The following SFXN5 variants were observed in gnomAD, a reference collection of about 807,000 sequenced individuals.
SFXN5 encodes the protein sideroflexin 5, also known as sideroflexin-5.
In SFXN5, 43 loss-of-function variants were observed where a neutral mutation model predicts 50.2. The observed-to-expected ratio is 0.86, with a 90% CI of 0.67 to 1.11. The LOEUF is 1.11. Among genes scored for constraint, SFXN5 ranks in the 50% least tolerant of loss-of-function variants. The pLI, the probability that SFXN5 is intolerant of heterozygous loss-of-function variation, is 0.00. For missense variants in SFXN5, 463 were observed against 454.1 expected (o/e 1.02, Z -0.18); for synonymous variants, 203 against 185.8 (o/e 1.09, Z -0.75).
At chr2:72,949,792 GGAGTT>G (rs1672330087) in intron 13 of SFXN5, among the ~76,000 whole-genome samples, 1 of 152,154 alleles carries the variant, frequency 6.6e-6, no homozygotes, top group Non-Finnish European at 1.5e-5. Context: ...GAAATCCACA[GGAGTT>G]GATGACCAAT....
chr2:72,966,256 C>T (rs1053964040), intron 12 of SFXN5, among the ~76,000 whole-genome samples: 2 of 152,198 alleles, frequency 1.3e-5, no homozygotes, highest in South Asian at 2.1e-4. Context: ...GAGTGTTCTA[C>T]CTCACTGGAC....
At chr2:73,058,439 C>T in intron 2 of SFXN5, 89 bp downstream of exon 2, 1 of 1,263,526 alleles carries the variant, frequency 7.9e-7, no homozygotes, top group Non-Finnish European at 1.2e-6. Context: ...CTTCACTCCC[C>T]CATCCTCACC....
chr2:73,045,856 C>A (rs751104137), intron 2 of SFXN5, among the ~76,000 whole-genome samples: 8 of 152,140 alleles, frequency 5.3e-5, no homozygotes, highest in African/African-American at 1.7e-4. Context: ...GTCTGTGCTG[C>A]GATGGGTCCT....
chr2:73,041,162 AT>A (rs1348812554), intron 2 of SFXN5, among the ~76,000 whole-genome samples: 1 of 152,244 alleles, frequency 6.6e-6, no homozygotes, highest in East Asian at 1.9e-4. Flanking sequence ...TCCCCAAGAT[AT>A]TTTGTTGAGT....
At chr2:72,982,640 C>T (rs1671450490) in intron 10 of SFXN5, among the ~76,000 whole-genome samples, 1 of 152,214 alleles carries the variant, frequency 6.6e-6, no homozygotes, top group Non-Finnish European at 1.5e-5. Context: ...CCCAGATAGA[C>T]ATCGGCACAC....
rs959798273 is a variant in SFXN5, at chr2:72,961,751, C to T, written c.828-503G>A. The stretch of plus-strand genomic sequence containing the variant: ...ACGCCAGCCAGGAGGGGGTGATCCT[C>T]CTCTATGTGTGAGAACAGAAGACAC... On this transcript the variant is annotated intron_variant, in intron 12 of 13. Transcript: ENST00000272433. This position sits in a 1 kb window ranked among gnomAD's most constrained non-coding sequence, Gnocchi z 4.4. Among the ~76,000 whole-genome samples the T allele has an allele frequency of 6.6e-6, 1 of 152,214 alleles. No individual in the cohort carries two copies. The highest frequency in any genetic ancestry group is 2.4e-5 in the African/African-American group (1 of 41,444).
chr2:73,020,403 C>T, intron 5 of SFXN5, 139 bp from the exon 6 acceptor site: 1 of 746,024 alleles, frequency 1.3e-6, no homozygotes, highest in Non-Finnish European at 2.2e-6. Context: ...GAGGCATCTC[C>T]TATCTCATAG....
intron 6 of SFXN5, among the ~76,000 whole-genome samples, chr2:73,018,133 A>C (rs1676400338): frequency 6.6e-6 from 1 of 152,068 alleles, no homozygotes; most frequent in Non-Finnish European, 1.5e-5. Context: ...ACTTGAGCCC[A>C]GGAGTTTGAG....
chr2:72,968,385 T>G, intron 12 of SFXN5, 63 bp downstream of exon 12: 100 of 1,432,306 alleles, frequency 7.0e-5, no homozygotes, highest in Middle Eastern at 2.4e-4. Context: ...GGCCAGCCGG[T>G]TCCCCCTCCC....
intron 9 of SFXN5, among the ~76,000 whole-genome samples, chr2:72,993,122 G>A (rs1160034685): frequency 6.6e-6 from 1 of 152,214 alleles, no homozygotes; most frequent in East Asian, 1.9e-4. Flanking sequence ...GAAGAACAAT[G>A]GAGTAAGGGG....
chr2:73,029,215 C>A (rs1393866702), intron 3 of SFXN5, among the ~76,000 whole-genome samples: 1 of 152,242 alleles, frequency 6.6e-6, no homozygotes, highest in African/African-American at 2.4e-5. Context: ...TCTTTGGCCT[C>A]TGCCAAGTCC....
At chr2:73,022,466 G>T in intron 5 of SFXN5, 56 bp downstream of exon 5, 1 of 1,352,806 alleles carries the variant, frequency 7.4e-7, no homozygotes, top group Non-Finnish European at 1.1e-6. Flanking sequence ...TCCTGGAACT[G>T]TGACTGGAGT....
chr2:73,023,530 G>C (rs146936575), intron 3 of SFXN5, among the ~76,000 whole-genome samples: 1 of 152,330 alleles, frequency 6.6e-6, no homozygotes, highest in East Asian at 1.9e-4. Context: ...AAGCTCCCTA[G>C]TTGACTCTAA....
chr2:73,049,756 A>T (rs1348553014), intron 2 of SFXN5: 1 of 152,118 alleles, frequency 6.6e-6, no homozygotes, highest in Non-Finnish European at 1.5e-5. Context: ...TATTCATTCC[A>T]TCTCAGTAGC....
chr2:72,978,737 A>C (rs1016698422), intron 10 of SFXN5, among the ~76,000 whole-genome samples: 1 of 152,208 alleles, frequency 6.6e-6, no homozygotes, highest in African/African-American at 2.4e-5. Flanking sequence ...TAATGTGTCC[A>C]TTCCATGTCT....
chr2:73,062,825 AGGAGCTG>A lies in SFXN5; in HGVS notation c.103-4236_103-4230del, dbSNP rs1480168582. On this transcript the variant is annotated intron_variant, in intron 1 of 13. Transcript: ENST00000272433. Reference sequence around the variant, plus strand: ...AGTTTAAGTCAAGGAGGTGTCCCAGAGGAGCTGGGACCAAGGGATGGATGAGTTTACC... The same window carrying A: ...AGTTTAAGTCAAGGAGGTGTCCCAGAGGACCAAGGGATGGATGAGTTTACC... Among the ~76,000 whole-genome samples the A allele has an allele frequency of 7.9e-5, 12 of 152,190 alleles. No homozygotes were observed. In the East Asian group the frequency reaches 2.3e-3, roughly 29 times the overall value.
rs775120311 is a variant in SFXN5, at chr2:72,949,022, A to G, written c.946-3923T>C. Among the ~76,000 whole-genome samples, 59 of 152,158 alleles carry G rather than the reference A, an allele frequency of 3.9e-4. 1 individual carries two copies. Among genetic ancestry groups the G allele is most frequent in the Admixed American group, 3.1e-3 (48 of 15,278 alleles). On this transcript the variant is annotated intron_variant, in intron 13 of 13. Transcript: ENST00000272433. ...AACTGGGGAGGGGTTGGGAGTTCCA[A>G]TGTATTGATAAGGGAACAAGGAATG... is the stretch of plus-strand genomic sequence containing the variant.
chr2:72,964,390 C>T (rs1296235711), intron 12 of SFXN5, among the ~76,000 whole-genome samples: 1 of 152,202 alleles, frequency 6.6e-6, no homozygotes, highest in Non-Finnish European at 1.5e-5. Context: ...GTGGCACGGA[C>T]CCTGCAAAGA....
At chr2:72,982,087 G>A (rs1671378678) in intron 10 of SFXN5, among the ~76,000 whole-genome samples, 1 of 152,048 alleles carries the variant, frequency 6.6e-6, no homozygotes, top group Admixed American at 6.5e-5. Context: ...GGGGCAGGAG[G>A]AACAGAGTGG....
Sources: gnomAD v4.1 joint callset for allele counts (sites outside exome capture counted in the v4.1 genomes callset) on GRCh38, gnomAD v4.1.1 for gene constraint, Gnocchi (gnomAD v3.1) non-coding constraint, MANE v1.5 for transcripts, NCBI Gene and HGNC (gene_info 2026-07-23, HGNC 2026-07-21) for gene names.